Variants in SLCO1A2 observed in about 807,000 individuals in gnomAD.
The protein encoded by SLCO1A2 is solute carrier organic anion transporter family member 1A2, also known as OATP-1.
SLCO1A2 carries 67 observed loss-of-function variants against 69.0 expected under a neutral mutation model. That is an observed-to-expected ratio of 0.97 (90% CI 0.80 to 1.19). The LOEUF is 1.19. SLCO1A2 is among the 50% of genes most tolerant of loss of function. The pLI is 0.00. For synonymous variants in SLCO1A2, 260 were observed against 265.9 expected, an observed-to-expected ratio of 0.98 and a Z score of 0.22; for missense variants, 787 against 793.7, an observed-to-expected ratio of 0.99 and a Z score of 0.10.
intron 1 of SLCO1A2, among the ~76,000 whole-genome samples, chr12:21,405,342 G>C (rs1941806625): frequency 6.6e-6 from 1 of 151,406 alleles, no homozygotes; most frequent in Non-Finnish European, 1.5e-5. Context: ...TTTCCCCTAG[G>C]GTTTTTATAG....
chr12:21,417,750 C>G (rs567545211), intron 1 of SLCO1A2: 3 of 151,968 alleles, frequency 2.0e-5, no homozygotes, highest in Admixed American at 2.0e-4. Flanking sequence ...AGTTAAATCA[C>G]GAAGTTTCCT....
intron 1 of SLCO1A2, 57 bp from the exon 2 acceptor site, chr12:21,334,766 C>A: frequency 1.3e-6 from 1 of 762,632 alleles, no homozygotes; most frequent in South Asian, 1.9e-5. Flanking sequence ...AAGCATCATT[C>A]TTTTGAAGTA....
chr12:21,398,840 A>T (rs1448118360), upstream of SLCO1A2, among the ~76,000 whole-genome samples: 1 of 148,488 alleles, frequency 6.7e-6, no homozygotes, highest in African/African-American at 2.5e-5. Context: ...CATGCTAAAA[A>T]CTCTCAATAA....
At chr12:21,383,618 A>G (rs1285538191) in intron 1 of SLCO1A2, among the ~76,000 whole-genome samples, 1 of 152,194 alleles carries the variant, frequency 6.6e-6, no homozygotes, top group Non-Finnish European at 1.5e-5. Context: ...TCACACAGAT[A>G]AGAGTCTATG....
At chr12:21,291,873 C>T (rs908765188) in intron 12 of SLCO1A2, among the ~76,000 whole-genome samples, 6 of 152,134 alleles carry the variant, frequency 3.9e-5, no homozygotes, top group African/African-American at 1.4e-4. Context: ...TACGGCCTAC[C>T]CTAAGATATA....
intron 2 of SLCO1A2, among the ~76,000 whole-genome samples, chr12:21,349,106 G>A (rs570572433): frequency 1.3e-5 from 2 of 152,244 alleles, no homozygotes; most frequent in East Asian, 1.9e-4. Context: ...TAAAAGGGGA[G>A]GAGAGAAGAT....
chr12:21,387,468 G>A (rs2137142577), intron 1 of SLCO1A2, among the ~76,000 whole-genome samples: 1 of 152,262 alleles, frequency 6.6e-6, no homozygotes, highest in South Asian at 2.1e-4. Flanking sequence ...TCCAATCATG[G>A]CTAAAAGGGG....
intron 2 of SLCO1A2, among the ~76,000 whole-genome samples, chr12:21,362,367 C>A (rs985878507): frequency 3.3e-5 from 5 of 152,118 alleles, no homozygotes; most frequent in Admixed American, 6.5e-5. Flanking sequence ...TTTGTCACCA[C>A]CATGCCTGAC....
chr12:21,405,132 G>A (rs1262646375), intron 1 of SLCO1A2, among the ~76,000 whole-genome samples: 1 of 142,538 alleles, frequency 7.0e-6, no homozygotes, highest in Non-Finnish European at 1.5e-5. Flanking sequence ...TTAGACCTTT[G>A]TAAGATGCAT....
intron 5 of SLCO1A2, 113 bp downstream of exon 5, chr12:21,306,769 A>G (rs1381976378): frequency 1.6e-6 from 1 of 632,924 alleles, no homozygotes; most frequent in Non-Finnish European, 2.8e-6. Flanking sequence ...CTGGAGAGAG[A>G]ACATATCTTT....
chr12:21,397,286 A>C (rs958409947), upstream of SLCO1A2, among the ~76,000 whole-genome samples: 9 of 151,972 alleles, frequency 5.9e-5, no homozygotes, highest in African/African-American at 2.2e-4. Context: ...AGGCCATTAC[A>C]TAATGGTAAA....
chr12:21,344,950 C>T (rs1953204038), intron 2 of SLCO1A2, among the ~76,000 whole-genome samples: 2 of 151,800 alleles, frequency 1.3e-5, no homozygotes, highest in South Asian at 4.1e-4. Context: ...AGGTTCTTTC[C>T]CCAAAATCTC....
intron 1 of SLCO1A2, chr12:21,376,427 T>G: frequency 4.6e-6 from 1 of 215,918 alleles, no homozygotes; most frequent in Non-Finnish European, 1.0e-5. Flanking sequence ...AAAGCATAAA[T>G]CACTCTTTTG....
chr12:21,379,821 C>A (rs1940473789), intron 1 of SLCO1A2: 1 of 152,020 alleles, frequency 6.6e-6, no homozygotes, highest in Non-Finnish European at 1.5e-5. Context: ...TAAAATTTCC[C>A]TTTATGAAGT....
intron 2 of SLCO1A2, among the ~76,000 whole-genome samples, chr12:21,366,359 G>C (rs1306990337): frequency 2.0e-5 from 3 of 150,178 alleles, no homozygotes; most frequent in African/African-American, 7.4e-5. Context: ...TGAGAACACA[G>C]GGACACAGGG....
chr12:21,318,955 A>C (rs942625973), intron 2 of SLCO1A2, 32 bp from the exon 3 acceptor site: 2 of 1,527,726 alleles, frequency 1.3e-6, no homozygotes, highest in African/African-American at 2.8e-5. Flanking sequence ...ACGTAGAAAA[A>C]ATTATTTTTA....
intron 12 of SLCO1A2, among the ~76,000 whole-genome samples, chr12:21,283,280 A>T (rs1838513054): frequency 6.6e-6 from 1 of 152,162 alleles, no homozygotes; most frequent in African/African-American, 2.4e-5. Context: ...TCTATGGTGA[A>T]CTCATTTTTG....
At position 21,305,040 on chromosome 12, in the gene SLCO1A2, C is replaced by G. The variant is rs1347974750; in HGVS notation, c.443-467G>C. 1.2e-4 allele frequency among the ~76,000 whole-genome samples: 18 copies of G among 152,154 alleles called. 1 individual carries two copies. The highest frequency in any genetic ancestry group is 1.2e-3 in the Admixed American group (18 of 15,280). ...TGGTACTATATTTATAAGATTTAAA[C>G]AAAAGTTCGCTAAAGTGTGAATTCT... On this transcript the variant is annotated intron_variant, in intron 5 of 14. Transcript: ENST00000683939.
chr12:21,303,378 C>T (rs577235839), intron 6 of SLCO1A2, among the ~76,000 whole-genome samples: 1 of 152,180 alleles, frequency 6.6e-6, no homozygotes, highest in South Asian at 2.1e-4. Flanking sequence ...GTTAAAAGGA[C>T]TGAATAGAAA....
Sources: allele counts gnomAD v4.1 joint callset (sites outside exome capture counted in the v4.1 genomes callset), GRCh38; gene constraint gnomAD v4.1.1; transcripts MANE v1.5; gene names NCBI Gene and HGNC (gene_info 2026-07-23, HGNC 2026-07-21).